NALF1: variants seen among roughly 807,000 people sequenced by gnomAD.
The protein encoded by NALF1 is family with sequence similarity 155 member A.
NALF1 carries 3 observed loss-of-function variants against 48.4 expected under a neutral mutation model. The observed-to-expected ratio is 0.06, with a 90% CI of 0.03 to 0.16. The LOEUF is 0.16. Ranked by LOEUF, NALF1 falls within the 10% of genes least tolerant of loss-of-function variation. The pLI is 1.00. For missense variants in NALF1, 526 were observed against 571.5 expected, an observed-to-expected ratio of 0.92 and a Z score of 0.81; for synonymous variants, 262 against 245.7, an observed-to-expected ratio of 1.07 and a Z score of -0.62.
chr13:107,742,575 T>C (rs1876671594), intron 1 of NALF1, among the ~76,000 whole-genome samples: 2 of 152,180 alleles, frequency 1.3e-5, no homozygotes. Context: ...ACCATGATTG[T>C]AAGTTTCCTG....
At chr13:107,274,445 C>T (rs1417265997) in intron 1 of NALF1, among the ~76,000 whole-genome samples, 2 of 152,132 alleles carry the variant, frequency 1.3e-5, no homozygotes, top group Non-Finnish European at 2.9e-5. Context: ...CATGGCAGTG[C>T]CAACTCCATG....
intron 1 of NALF1, among the ~76,000 whole-genome samples, chr13:107,715,235 G>A (rs955375455): frequency 6.7e-6 from 1 of 149,004 alleles, no homozygotes; most frequent in Non-Finnish European, 1.5e-5. Flanking sequence ...AGAGTTTCAC[G>A]CTTGTTGCCC....
chr13:107,541,502 G>T (rs2139119741), intron 1 of NALF1, among the ~76,000 whole-genome samples: 1 of 152,230 alleles, frequency 6.6e-6, no homozygotes, highest in African/African-American at 2.4e-5. Context: ...GAGGAAGAAA[G>T]GGAGGGATGG....
chr13:107,858,359 G>T (rs2138647856), intron 1 of NALF1, among the ~76,000 whole-genome samples: 1 of 152,254 alleles, frequency 6.6e-6, no homozygotes, highest in Non-Finnish European at 1.5e-5. Flanking sequence ...AAAGGAAAAA[G>T]AAAACATTTA....
chr13:107,178,771 G>A (rs371733739), intron 2 of NALF1, among the ~76,000 whole-genome samples: 6 of 150,416 alleles, frequency 4.0e-5, no homozygotes, highest in African/African-American at 1.5e-4. Context: ...GTGAAACCCC[G>A]TCTCTACTAA....
intron 1 of NALF1, among the ~76,000 whole-genome samples, chr13:107,778,570 G>T (rs753192534): frequency 3.9e-5 from 6 of 152,194 alleles, no homozygotes; most frequent in Non-Finnish European, 7.3e-5. Flanking sequence ...TTCAGGCTAG[G>T]ATTAAAACAG....
chr13:107,218,839 T>G (rs980849243), intron 1 of NALF1, among the ~76,000 whole-genome samples: 2 of 152,130 alleles, frequency 1.3e-5, no homozygotes, highest in Admixed American at 1.3e-4. Context: ...GCAAAGTATA[T>G]TTTATAGCTG....
chr13:107,305,908 T>A (rs774763550), intron 1 of NALF1, among the ~76,000 whole-genome samples: 2 of 152,208 alleles, frequency 1.3e-5, no homozygotes, highest in Non-Finnish European at 2.9e-5. Context: ...AACATCCATT[T>A]GTCAAAACTG....
Position 107,224,374 on chromosome 13 carries a change from T to C in NALF1, c.916-13619A>G, listed in dbSNP as rs138301196. ...TGCATGTTTACATTCATCAATAAGA[T>C]ATGTCATTGTATATACAAATGATAC... On this transcript the variant is annotated intron_variant, in intron 1 of 2. Coordinates refer to ENST00000375915, the MANE Select transcript of NALF1 (RefSeq NM_001080396.3). Among the ~76,000 whole-genome samples the C allele has an allele frequency of 5.9e-3, 885 of 150,714 alleles. 16 individuals are homozygous for C. Among genetic ancestry groups the C allele is most frequent in the African/African-American group, 0.02 (831 of 41,304 alleles).
intron 1 of NALF1, among the ~76,000 whole-genome samples, chr13:107,720,897 T>C (rs1010787127): frequency 6.6e-6 from 1 of 152,162 alleles, no homozygotes; most frequent in Non-Finnish European, 1.5e-5. Context: ...GCTGGCAGGA[T>C]GATCCAGCAC....
chr13:107,332,779 A>ACGAAC (rs1169702614), intron 1 of NALF1, among the ~76,000 whole-genome samples: 1 of 152,190 alleles, frequency 6.6e-6, no homozygotes, highest in Admixed American at 6.5e-5. Flanking sequence ...GTAAGGTCCC[A>ACGAAC]CGAACCTTTG....
At chr13:107,324,416 A>AG (rs1260250819) in intron 1 of NALF1, among the ~76,000 whole-genome samples, 1 of 152,206 alleles carries the variant, frequency 6.6e-6, no homozygotes, top group Non-Finnish European at 1.5e-5. Context: ...ATCTGTTTTA[A>AG]GATACTTGAC....
chr13:107,347,671 C>T (rs528576343), intron 1 of NALF1, among the ~76,000 whole-genome samples: 20 of 152,106 alleles, frequency 1.3e-4, no homozygotes, highest in South Asian at 2.1e-4. Context: ...TAATGCATTA[C>T]GCAAAAGAAA....
At chr13:107,797,822 T>C (rs944799183) in intron 1 of NALF1, among the ~76,000 whole-genome samples, 3 of 152,136 alleles carry the variant, frequency 2.0e-5, no homozygotes, top group Non-Finnish European at 4.4e-5. Flanking sequence ...GAATCAATCT[T>C]ATATTTGAAT....
At chr13:107,769,791 T>C (rs1594254953) in intron 1 of NALF1, among the ~76,000 whole-genome samples, 1 of 152,174 alleles carries the variant, frequency 6.6e-6, no homozygotes, top group Admixed American at 6.5e-5. Context: ...TCACCAGCTG[T>C]GGAAAGTTTT....
At chr13:107,581,344 A>C (rs1878302532) in intron 1 of NALF1, among the ~76,000 whole-genome samples, 1 of 152,204 alleles carries the variant, frequency 6.6e-6, no homozygotes, top group Admixed American at 6.5e-5. Flanking sequence ...TCTGTAACTT[A>C]GTGCACTATC....
At chr13:107,724,630 C>A (rs113269842) in intron 1 of NALF1, among the ~76,000 whole-genome samples, 1 of 147,740 alleles carries the variant, frequency 6.8e-6, no homozygotes, top group Non-Finnish European at 1.5e-5. Context: ...GGCATGATCT[C>A]GGGTCACTGC....
chr13:107,284,165 G>T (rs908850276), intron 1 of NALF1, among the ~76,000 whole-genome samples: 1 of 152,078 alleles, frequency 6.6e-6, no homozygotes, highest in Non-Finnish European at 1.5e-5. Flanking sequence ...GCGTTTGAAA[G>T]CACTTAGATA....
At chr13:107,572,763 A>G (rs1253252076) in intron 1 of NALF1, among the ~76,000 whole-genome samples, 1 of 152,210 alleles carries the variant, frequency 6.6e-6, no homozygotes, top group East Asian at 1.9e-4. Flanking sequence ...ATAAAATGGC[A>G]TATCTAGGTC....
Sources: allele counts gnomAD v4.1 joint callset (sites outside exome capture counted in the v4.1 genomes callset), GRCh38; gene constraint gnomAD v4.1.1; transcripts MANE v1.5; gene names NCBI Gene and HGNC (gene_info 2026-07-23, HGNC 2026-07-21).